The following DCDC2 variants were observed in gnomAD, a reference collection of about 807,000 sequenced individuals.
DCDC2 encodes doublecortin domain containing 2, also known as doublecortin domain-containing protein 2.
DCDC2 carries 40 observed loss-of-function variants against 50.2 expected under a neutral mutation model. The observed-to-expected ratio is 0.80, with a 90% CI of 0.62 to 1.04. The LOEUF (loss-of-function observed/expected upper bound fraction) is 1.04. DCDC2 is among the 50% of genes least tolerant of loss of function. The pLI is 0.00. For synonymous variants in DCDC2, 234 were observed against 210.6 expected, an observed-to-expected ratio of 1.11 and a Z score of -0.96; for missense variants, 570 against 581.9, an observed-to-expected ratio of 0.98 and a Z score of 0.21.
At chr6:24,359,214 T>TTATATATAA (rs1561789239), upstream of DCDC2, among the ~76,000 whole-genome samples, 336 of 59,596 alleles carry the variant, frequency 5.6e-3, 4 homozygotes, top group African/African-American at 0.016. Flanking sequence ...ATTTTATATA[T>TTATATATAA]TATATATTTT....
chr6:24,329,661 G>A (rs1396536100), intron 2 of DCDC2, among the ~76,000 whole-genome samples: 2 of 152,172 alleles, frequency 1.3e-5, no homozygotes, highest in Non-Finnish European at 2.9e-5. Context: ...TTTGCAACAA[G>A]AGGCCTAGCT....
intron 2 of DCDC2, among the ~76,000 whole-genome samples, chr6:24,341,931 C>G (rs912733674): frequency 4.9e-5 from 6 of 121,382 alleles, no homozygotes; most frequent in African/African-American, 1.9e-4. Context: ...AGAGGGCGCA[C>G]GCATGTGTGC....
the DCDC2 span, among the ~76,000 whole-genome samples, chr6:24,380,371 T>A: frequency 7.2e-5 from 11 of 152,232 alleles, no homozygotes; most frequent in African/African-American, 2.4e-4. Context: ...ATATTAGTTA[T>A]GCCCATTTAC....
At chr6:24,294,291 G>C (rs807712) in intron 4 of DCDC2, among the ~76,000 whole-genome samples, 22,884 of 151,976 alleles carry the variant, frequency 0.15, 1,862 homozygotes, top group African/African-American at 0.21. Flanking sequence ...GGAGGTTGAG[G>C]CTGCAATGAA....
intron 8 of DCDC2, among the ~76,000 whole-genome samples, chr6:24,182,912 T>C (rs547173151): frequency 6.6e-6 from 1 of 152,200 alleles, no homozygotes; most frequent in African/African-American, 2.4e-5. Context: ...CAAGTGTTCA[T>C]CAAAAGATGA....
chr6:24,187,803 C>T (rs992515853), intron 8 of DCDC2, among the ~76,000 whole-genome samples: 1 of 152,184 alleles, frequency 6.6e-6, no homozygotes, highest in African/African-American at 2.4e-5. Flanking sequence ...CCAGAGCTTG[C>T]CAGGTACCCA....
chr6:24,286,717 C>T (rs567591160), intron 6 of DCDC2, among the ~76,000 whole-genome samples: 2 of 152,266 alleles, frequency 1.3e-5, no homozygotes, highest in African/African-American at 2.4e-5. Context: ...ATACTTCCAA[C>T]TCAACATGTT....
chr6:24,318,453 G>A (rs1243575413), intron 2 of DCDC2, among the ~76,000 whole-genome samples: 2 of 151,872 alleles, frequency 1.3e-5, no homozygotes, highest in African/African-American at 2.4e-5. Flanking sequence ...TTTATTACAC[G>A]GATATATTGC....
intron 7 of DCDC2, among the ~76,000 whole-genome samples, chr6:24,220,372 A>C (rs569396206): frequency 3.9e-5 from 6 of 152,272 alleles, no homozygotes; most frequent in African/African-American, 1.4e-4. Context: ...GACAGTAAGT[A>C]GCAAACAAAT....
chr6:24,278,219 G>T lies in DCDC2; in HGVS notation c.760-8C>A. On this transcript the variant is annotated splice_polypyrimidine_tract_variant and splice_region_variant and intron_variant, in intron 6 of 9. Transcript: ENST00000378454. ...AGAGTGGCGATCATTTCCCTAAATG[G>T]CAAAGTATTAGACCCTTATTATTAG... 1 of 1,605,088 alleles carries T rather than the reference G, an allele frequency of 6.2e-7. No homozygotes were observed. Among genetic ancestry groups the T allele is most frequent in the Non-Finnish European group, 8.5e-7 (1 of 1,177,194 alleles).
At chr6:24,328,105 T>C (rs1759906516) in intron 2 of DCDC2, among the ~76,000 whole-genome samples, 1 of 152,248 alleles carries the variant, frequency 6.6e-6, no homozygotes, top group Non-Finnish European at 1.5e-5. Context: ...TAATAAATGT[T>C]ATTTGCTCAA....
At chr6:24,237,756 C>T (rs12110711) in intron 7 of DCDC2, among the ~76,000 whole-genome samples, 12,208 of 152,138 alleles carry the variant, frequency 0.08, 783 homozygotes, top group African/African-American at 0.18. Flanking sequence ...AGAATGAAAT[C>T]ATGTCCTCTG....
intron 2 of DCDC2, among the ~76,000 whole-genome samples, chr6:24,310,089 A>C (rs565335536): frequency 1.3e-5 from 2 of 152,372 alleles, no homozygotes; most frequent in African/African-American, 4.8e-5. Flanking sequence ...GCAAAATTAC[A>C]AAAGAAACAT....
chr6:24,176,122 C>T (rs975950150), intron 9 of DCDC2, among the ~76,000 whole-genome samples: 1 of 151,786 alleles, frequency 6.6e-6, no homozygotes. Context: ...GGGAGGGAGA[C>T]TTCCTCCATA....
the DCDC2 span, among the ~76,000 whole-genome samples, chr6:24,364,028 G>C: frequency 2.0e-5 from 3 of 152,058 alleles, no homozygotes; most frequent in Non-Finnish European, 2.9e-5. Context: ...TCTCCAAAGT[G>C]AAGACTTGTA....
chr6:24,320,821 T>G (rs1465079120), intron 2 of DCDC2, among the ~76,000 whole-genome samples: 1 of 152,112 alleles, frequency 6.6e-6, no homozygotes, highest in East Asian at 1.9e-4. Flanking sequence ...GCCCAGATGC[T>G]GGTTTCTAAA....
At chr6:24,299,281 A>G (rs1409775852) in intron 4 of DCDC2, among the ~76,000 whole-genome samples, 2 of 152,210 alleles carry the variant, frequency 1.3e-5, no homozygotes, top group Non-Finnish European at 2.9e-5. Context: ...GTGGGAGCTT[A>G]AATATTGGGT....
At chr6:24,302,488 C>T (rs1195501177) in intron 2 of DCDC2, among the ~76,000 whole-genome samples, 3 of 152,022 alleles carry the variant, frequency 2.0e-5, no homozygotes, top group Non-Finnish European at 2.9e-5. Context: ...TCCTTGGCCC[C>T]CACCAAGTGC....
the DCDC2 span, among the ~76,000 whole-genome samples, chr6:24,376,426 T>A: frequency 1.3e-5 from 2 of 152,082 alleles, no homozygotes; most frequent in Non-Finnish European, 2.9e-5. Flanking sequence ...CGTCATCCCA[T>A]AGCGGTAACA....
Sources: allele counts gnomAD v4.1 joint callset (sites outside exome capture counted in the v4.1 genomes callset), GRCh38; gene constraint gnomAD v4.1.1; transcripts MANE v1.5; gene names NCBI Gene and HGNC (gene_info 2026-07-23, HGNC 2026-07-21).